Variants in CMTM4 observed in about 807,000 individuals in gnomAD.
The protein encoded by CMTM4 is CKLF-like MARVEL transmembrane domain-containing protein 4.
CMTM4 carries 8 observed loss-of-function variants against 19.0 expected under a neutral mutation model. The ratio of observed to expected loss-of-function variants is 0.42; its 90% confidence interval spans 0.25 to 0.76. The LOEUF (loss-of-function observed/expected upper bound fraction) is 0.76, where lower values mean the gene tolerates loss of function less well. Ranked by LOEUF, CMTM4 falls within the 30% of genes least tolerant of loss-of-function variation. The probability of loss-of-function intolerance (pLI) is 0.27; values close to 1 mark genes in which losing one functional copy is unlikely to be tolerated. For missense variants in CMTM4, 228 were observed against 290.2 expected (o/e 0.79, Z 1.56); for synonymous variants, 106 against 121.1 (o/e 0.88, Z 0.82).
Position 66,619,484 on chromosome 16 carries a change from C to A in CMTM4, c.*2574G>T. ...CAGCCTTCAAATGCCCCAAACCAAACTGATATTGGTCCCTATTGAAACTAT... is the reference window on the plus strand; with the variant it reads ...CAGCCTTCAAATGCCCCAAACCAAAATGATATTGGTCCCTATTGAAACTAT... On this transcript the variant is annotated 3_prime_UTR_variant, in exon 4 of 4. Coordinates refer to ENST00000394106, the MANE Select transcript of CMTM4 (RefSeq NM_181521.3). The A allele has an allele frequency of 1.0e-6, 1 of 985,462 alleles. No individual in the cohort carries two copies. Among genetic ancestry groups the A allele is most frequent in the Non-Finnish European group, 1.2e-6 (1 of 829,938 alleles). 61.0% of individuals were successfully genotyped at this position (985,462 alleles called of 1,614,324 possible).
At chr16:66,658,135 T>C (rs1034087905) in intron 1 of CMTM4, among the ~76,000 whole-genome samples, 1 of 151,212 alleles carries the variant, frequency 6.6e-6, no homozygotes, top group Admixed American at 6.6e-5. Context: ...AGGGCTGAGG[T>C]GGGAGGATCA....
Position 66,696,244 on chromosome 16 carries a change from G to T in CMTM4, c.186+96C>A. On this transcript the variant is annotated intron_variant, in intron 1 of 3. Coordinates refer to ENST00000394106, the MANE Select transcript of CMTM4 (RefSeq NM_181521.3). This position sits in a 1 kb window ranked among gnomAD's most constrained non-coding sequence, Gnocchi z 4.3. ...GCGCGAGGAGCGGGCTCCGGCCTGG[G>T]CAAGCGGGTACGCGGCGGAGGCCCC... is the stretch of plus-strand genomic sequence containing the variant. 1 of 925,076 alleles carries T rather than the reference G, an allele frequency of 1.1e-6. No homozygotes were observed. Among genetic ancestry groups the T allele is most frequent in the Non-Finnish European group, 1.4e-6 (1 of 708,210 alleles). The allele number at this position is 925,076 out of a possible 1,614,324, so 57.3% of individuals were successfully genotyped here.
Position 66,633,324 on chromosome 16 carries a change from A to G in CMTM4, c.363+3081T>C, listed in dbSNP as rs118071595. Reference sequence around the variant, plus strand: ...TGGAATGACCTGTGTTTTTAAATCTATACCAATCACACCCTATTTTAACCA... The same window carrying G: ...TGGAATGACCTGTGTTTTTAAATCTGTACCAATCACACCCTATTTTAACCA... On this transcript the variant is annotated intron_variant, in intron 2 of 3. Transcript: ENST00000394106. Among the ~76,000 whole-genome samples, 136 of 151,940 alleles carry G rather than the reference A, an allele frequency of 9.0e-4. No individual in the cohort carries two copies. In the East Asian group the frequency reaches 0.023, roughly 25 times the overall value.
chr16:66,691,569 C>T (rs554235877), intron 1 of CMTM4, among the ~76,000 whole-genome samples: 72 of 152,286 alleles, frequency 4.7e-4, no homozygotes, highest in African/African-American at 1.6e-3. Context: ...GGCATAGTGG[C>T]ATACACCTGT....
chr16:66,612,033 G>A (rs890444077), downstream of CMTM4, among the ~76,000 whole-genome samples: 20 of 152,146 alleles, frequency 1.3e-4, no homozygotes, highest in African/African-American at 4.8e-4. This position sits in a 1 kb window ranked among gnomAD's most constrained non-coding sequence, Gnocchi z 6.0. Flanking sequence ...GACTCCGGAG[G>A]GGCTGGGCCT....
chr16:66,604,612 C>T, the CMTM4 span: 2 of 385,004 alleles, frequency 5.2e-6, no homozygotes, highest in African/African-American at 2.2e-5. Context: ...CAGCATCCCC[C>T]GCAGCCGGGG....
chr16:66,617,218 A>G lies in CMTM4; in HGVS notation c.*4840T>C, dbSNP rs1362442836. 6.5e-7 allele frequency: 1 copy of G among 1,539,272 alleles called. No homozygotes were observed. Among genetic ancestry groups the G allele is most frequent in the Non-Finnish European group, 8.9e-7 (1 of 1,123,696 alleles). On this transcript the variant is annotated 3_prime_UTR_variant, in exon 4 of 4. Transcript: ENST00000394106. The stretch of plus-strand genomic sequence containing the variant: ...CCTCAGCATAAAAAAACAAACATAG[A>G]CAACAAACTTACCCTATGAAATAGA...
chr16:66,683,950 G>A (rs1298706409), intron 1 of CMTM4, among the ~76,000 whole-genome samples: 1 of 152,136 alleles, frequency 6.6e-6, no homozygotes, highest in Non-Finnish European at 1.5e-5. Flanking sequence ...GGAAGAGAGT[G>A]AGGGATGAGA....
At chr16:66,652,645 A>G (rs1350141691) in intron 1 of CMTM4, among the ~76,000 whole-genome samples, 2 of 152,242 alleles carry the variant, frequency 1.3e-5, no homozygotes, top group Non-Finnish European at 2.9e-5. Flanking sequence ...TTACCCATCA[A>G]CAACGGCTGG....
At chr16:66,674,692 G>A (rs2016774250) in intron 1 of CMTM4, among the ~76,000 whole-genome samples, 1 of 148,412 alleles carries the variant, frequency 6.7e-6, no homozygotes, top group Non-Finnish European at 1.5e-5. Context: ...ATCATCTACA[G>A]ACCTCACAGA....
At position 66,637,560 on chromosome 16, in the gene CMTM4, A is replaced by G. The variant is rs1445701903; in HGVS notation, c.187-979T>C. ...ATTCCATCTCAAAAAAAAAGAATAA[A>G]TTTTTTTCTGAAGGACCAAAGTACC... On this transcript the variant is annotated intron_variant, in intron 1 of 3. Coordinates refer to ENST00000394106, the MANE Select transcript of CMTM4 (RefSeq NM_181521.3). Among the ~76,000 whole-genome samples the G allele has an allele frequency of 3.3e-5, 5 of 152,222 alleles. No homozygotes were observed. In the East Asian group the frequency reaches 7.7e-4, roughly 23 times the overall value.
At chr16:66,598,625 C>G in the CMTM4 span, among the ~76,000 whole-genome samples, 3 of 152,134 alleles carry the variant, frequency 2.0e-5, no homozygotes, top group African/African-American at 4.8e-5. Context: ...CTGTAGCTTA[C>G]TTTTGCTTGT....
rs1346502175 is a variant in CMTM4, at chr16:66,614,763, A to G, written c.*7295T>C. Reference sequence around the variant, plus strand: ...GAGACAACGACATCCTTACACGTCCATTTATTAAACAAGTTCCTTCATGAC... The same window carrying G: ...GAGACAACGACATCCTTACACGTCCGTTTATTAAACAAGTTCCTTCATGAC... On this transcript the variant is annotated 3_prime_UTR_variant, in exon 4 of 4. Transcript: ENST00000394106. The surrounding 1 kb of genome is among the most constrained non-coding windows in gnomAD (Gnocchi z 4.9). 2.6e-5 allele frequency: 4 copies of G among 152,238 alleles called. No homozygotes were observed. The highest frequency in any genetic ancestry group is 9.6e-5 in the African/African-American group (4 of 41,458). 9.4% of individuals were successfully genotyped at this position (152,238 alleles called of 1,614,324 possible). A position where few individuals can be genotyped will look rare whatever the true frequency, so the allele number is the denominator to read the frequency against.
At chr16:66,633,507 C>G (rs950771381) in intron 2 of CMTM4, among the ~76,000 whole-genome samples, 5 of 152,086 alleles carry the variant, frequency 3.3e-5, no homozygotes, top group Non-Finnish European at 7.3e-5. Context: ...GAACACTGGA[C>G]ATGAGCTGCC....
At chr16:66,635,883 C>T (rs1416007638) in intron 2 of CMTM4, among the ~76,000 whole-genome samples, 1 of 152,118 alleles carries the variant, frequency 6.6e-6, no homozygotes, top group Non-Finnish European at 1.5e-5. Context: ...AGCTAAGAAC[C>T]CAAACCATGG....
At chr16:66,678,831 G>A (rs1020434766) in intron 1 of CMTM4, among the ~76,000 whole-genome samples, 1 of 152,104 alleles carries the variant, frequency 6.6e-6, no homozygotes, top group African/African-American at 2.4e-5. Flanking sequence ...CTTTGGCCAG[G>A]AGCAGTGGCT....
intron 1 of CMTM4, among the ~76,000 whole-genome samples, chr16:66,668,557 A>G (rs1285993580): frequency 6.6e-6 from 1 of 152,182 alleles, no homozygotes; most frequent in Non-Finnish European, 1.5e-5. Flanking sequence ...GGAATGTAAT[A>G]AAATCTGGAT....
intron 1 of CMTM4, among the ~76,000 whole-genome samples, chr16:66,650,538 T>C (rs1378076564): frequency 6.6e-6 from 1 of 152,088 alleles, no homozygotes; most frequent in Non-Finnish European, 1.5e-5. Context: ...ACATACAGCT[T>C]TGGGTCTTCT....
chr16:66,664,134 G>A (rs1474031398), intron 1 of CMTM4, among the ~76,000 whole-genome samples: 1 of 151,816 alleles, frequency 6.6e-6, no homozygotes, highest in Non-Finnish European at 1.5e-5. Flanking sequence ...TCTGGAGGCT[G>A]AGGCAGGAGA....
Sources: allele counts gnomAD v4.1 joint callset (sites outside exome capture counted in the v4.1 genomes callset), GRCh38; gene constraint gnomAD v4.1.1; non-coding constraint Gnocchi (gnomAD v3.1); transcripts MANE v1.5; gene names NCBI Gene and HGNC (gene_info 2026-07-23, HGNC 2026-07-21).